Variants in TSPAN7 observed in about 807,000 individuals in gnomAD.
TSPAN7 encodes the protein tetraspanin-7.
Under a neutral mutation model 17.6 loss-of-function variants are expected in TSPAN7, and 1 was observed. The ratio of observed to expected loss-of-function variants is 0.06; its 90% CI spans 0.02 to 0.27. TSPAN7 has a LOEUF of 0.27. Ranked by LOEUF, TSPAN7 falls within the 10% of genes least tolerant of loss-of-function variation. The probability of loss-of-function intolerance (pLI) is 1.00; values close to 1 mark genes in which losing one functional copy is unlikely to be tolerated. For synonymous variants in TSPAN7, 78 were observed against 79.0 expected, an observed-to-expected ratio of 0.99 and a Z score of 0.07; for missense variants, 112 against 201.7, an observed-to-expected ratio of 0.56 and a Z score of 2.69.
chrX:38,682,281 C>T (rs1315977146), intron 6 of TSPAN7, among the ~76,000 whole-genome samples: 2 of 112,246 alleles, frequency 1.8e-5, no homozygotes, highest in African/African-American at 6.5e-5. Flanking sequence ...TACTTTTTCC[C>T]TAGCCATCTG....
intron 1 of TSPAN7, among the ~76,000 whole-genome samples, chrX:38,598,340 T>C (rs2069329130): frequency 9.0e-6 from 1 of 111,290 alleles, no homozygotes; most frequent in Non-Finnish European, 1.9e-5. Context: ...CAAGATGCTC[T>C]AAGTTTTAAC....
intron 1 of TSPAN7, among the ~76,000 whole-genome samples, chrX:38,575,413 T>C (rs2069188831): frequency 8.9e-6 from 1 of 112,264 alleles, no homozygotes; most frequent in African/African-American, 3.2e-5. Flanking sequence ...TTCAATATGA[T>C]GTTTGCTTAG....
At chrX:38,621,217 T>C (rs1350091515) in intron 1 of TSPAN7, among the ~76,000 whole-genome samples, 1 of 112,533 alleles carries the variant, frequency 8.9e-6, no homozygotes. Flanking sequence ...TTTTTAAGGA[T>C]GATCAGCCCA....
At chrX:38,680,725 A>G (rs1602125995) in intron 5 of TSPAN7, among the ~76,000 whole-genome samples, 1 of 111,635 alleles carries the variant, frequency 9.0e-6, no homozygotes, top group East Asian at 2.8e-4. Context: ...TGTTTATTCA[A>G]GATTTCATCA....
intron 1 of TSPAN7, among the ~76,000 whole-genome samples, chrX:38,630,404 T>C (rs1358878334): frequency 8.9e-6 from 1 of 111,936 alleles, no homozygotes; most frequent in Non-Finnish European, 1.9e-5. Context: ...TAAAAGGTTT[T>C]TTTTAGTTTG....
chrX:38,635,196 A>T (rs748012766), intron 1 of TSPAN7, among the ~76,000 whole-genome samples: 1 of 111,664 alleles, frequency 9.0e-6, no homozygotes, highest in Non-Finnish European at 1.9e-5. Flanking sequence ...ACTTCCTTCC[A>T]TGAAAATAAA....
Position 38,646,652 on chromosome X carries a change from T to C in TSPAN7, c.82-19469T>C, listed in dbSNP as rs145648404. Among the ~76,000 whole-genome samples the C allele has an allele frequency of 3.2e-3, 356 of 112,492 alleles. 3 individuals carry two copies. The highest frequency in any genetic ancestry group is 0.011 in the African/African-American group (347 of 30,947). ...ACTTCCTTGTTCAAGTGAATGATGA[T>C]GTGTAATTTACATGCTGTAATTATA... On this transcript the variant is annotated intron_variant, in intron 1 of 7. Coordinates refer to ENST00000378482, the MANE Select transcript of TSPAN7 (RefSeq NM_004615.4).
chrX:38,671,110 C>T (rs752317119), intron 2 of TSPAN7, among the ~76,000 whole-genome samples: 8 of 111,843 alleles, frequency 7.2e-5, no homozygotes, highest in African/African-American at 2.6e-4. Flanking sequence ...TCCAGGTGAG[C>T]CAAGCTGATA....
intron 1 of TSPAN7, among the ~76,000 whole-genome samples, chrX:38,643,672 C>CA (rs34238064): frequency 0.045 from 2,516 of 55,965 alleles, 140 homozygotes; most frequent in African/African-American, 0.15. Context: ...CCGTCTCTAC[C>CA]AAAAAAAAAA....
At chrX:38,580,267 C>T (rs1485316244) in intron 1 of TSPAN7, among the ~76,000 whole-genome samples, 1 of 112,291 alleles carries the variant, frequency 8.9e-6, no homozygotes, top group Non-Finnish European at 1.9e-5. Flanking sequence ...AGTTTGCCAA[C>T]CCCTAGTCTA....
intron 1 of TSPAN7, among the ~76,000 whole-genome samples, chrX:38,585,909 C>G (rs2069256242): frequency 8.9e-6 from 1 of 112,824 alleles, no homozygotes; most frequent in Non-Finnish European, 1.9e-5. Context: ...GAGTCCCTCA[C>G]CAGAAGCAGA....
At chrX:38,680,480 A>G (rs1317991877) in intron 5 of TSPAN7, among the ~76,000 whole-genome samples, 3 of 109,746 alleles carry the variant, frequency 2.7e-5, no homozygotes, top group Non-Finnish European at 5.7e-5. Context: ...TCCTAGCTGA[A>G]TAAGTCAGTT....
intron 2 of TSPAN7, among the ~76,000 whole-genome samples, chrX:38,669,330 C>T (rs1008414772): frequency 1.8e-5 from 2 of 111,910 alleles, no homozygotes; most frequent in Admixed American, 1.9e-4. Flanking sequence ...CTCACTACCA[C>T]CATGCAGTGT....
intron 1 of TSPAN7, among the ~76,000 whole-genome samples, chrX:38,650,118 G>A (rs2069667771): frequency 6.3e-5 from 7 of 111,979 alleles, no homozygotes. Context: ...TGCAAGAGAA[G>A]TACATCCCAG....
At chrX:38,615,717 T>C (rs549145984) in intron 1 of TSPAN7, among the ~76,000 whole-genome samples, 119 of 112,589 alleles carry the variant, frequency 1.1e-3, no homozygotes, top group African/African-American at 3.7e-3. Context: ...TATTAAAATA[T>C]TTTATTTTTA....
intron 5 of TSPAN7, among the ~76,000 whole-genome samples, chrX:38,676,353 C>T (rs2069853752): frequency 9.0e-6 from 1 of 110,832 alleles, no homozygotes; most frequent in African/African-American, 3.3e-5. Context: ...TCTGATTCAA[C>T]TCACTGTCAA....
At chrX:38,577,371 T>C (rs1421817641) in intron 1 of TSPAN7, among the ~76,000 whole-genome samples, 3 of 111,042 alleles carry the variant, frequency 2.7e-5, no homozygotes, top group African/African-American at 9.8e-5. Context: ...ATGGTCACAG[T>C]TGATTGACCT....
intron 1 of TSPAN7, among the ~76,000 whole-genome samples, chrX:38,652,121 T>C (rs938003336): frequency 8.9e-6 from 1 of 112,030 alleles, no homozygotes; most frequent in Non-Finnish European, 1.9e-5. Context: ...GTCAAAATTG[T>C]ATGACCTATC....
intron 1 of TSPAN7, among the ~76,000 whole-genome samples, chrX:38,592,758 T>C (rs886505831): frequency 9.0e-6 from 1 of 110,864 alleles, no homozygotes; most frequent in East Asian, 2.8e-4. Context: ...TAGGTGTATG[T>C]ACTTATGGGG....
Sources: allele counts gnomAD v4.1 joint callset (sites outside exome capture counted in the v4.1 genomes callset), GRCh38; gene constraint gnomAD v4.1.1; transcripts MANE v1.5; gene names NCBI Gene and HGNC (gene_info 2026-07-23, HGNC 2026-07-21).